BPNT2: variants seen among roughly 807,000 people sequenced by gnomAD.
The protein encoded by BPNT2 is 3'(2'), 5'-bisphosphate nucleotidase 2.
Under a neutral mutation model 29.3 loss-of-function variants are expected in BPNT2, and 11 were observed. The ratio of observed to expected loss-of-function variants is 0.38; its 90% CI spans 0.24 to 0.62. The LOEUF (loss-of-function observed/expected upper bound fraction) is 0.62, where lower values mean the gene tolerates loss of function less well. BPNT2 is among the 20% of genes least tolerant of loss of function. BPNT2 has a pLI of 0.62. For synonymous variants in BPNT2, 195 were observed against 187.7 expected (o/e 1.04, Z -0.32); for missense variants, 459 against 473.4 (o/e 0.97, Z 0.28).
chr8:56,964,933 C>A (rs1280751168), intron 4 of BPNT2, among the ~76,000 whole-genome samples: 1 of 152,164 alleles, frequency 6.6e-6, no homozygotes, highest in Admixed American at 6.5e-5. Flanking sequence ...CTTTTCCTAA[C>A]CAACCTAACA....
intron 4 of BPNT2, among the ~76,000 whole-genome samples, chr8:56,964,939 T>C (rs1305985446): frequency 2.0e-5 from 3 of 152,124 alleles, no homozygotes; most frequent in East Asian, 3.9e-4. Flanking sequence ...CTAACCAACC[T>C]AACAGAGAGC....
intron 3 of BPNT2, among the ~76,000 whole-genome samples, chr8:56,977,461 A>G (rs1418002731): frequency 6.6e-6 from 1 of 152,090 alleles, no homozygotes; most frequent in East Asian, 1.9e-4. Context: ...AAACACTCTA[A>G]TTGGCTTAAG....
chr8:56,964,594 C>A (rs951209258), intron 4 of BPNT2, among the ~76,000 whole-genome samples: 1 of 152,204 alleles, frequency 6.6e-6, no homozygotes, highest in Non-Finnish European at 1.5e-5. Flanking sequence ...AGCCACTGCA[C>A]CCGGCCTGCA....
chr8:56,990,857 C>T (rs1806406124), intron 1 of BPNT2, among the ~76,000 whole-genome samples: 1 of 152,154 alleles, frequency 6.6e-6, no homozygotes, highest in African/African-American at 2.4e-5. Context: ...AGACTTCAGA[C>T]TCTACATAGG....
At chr8:56,972,327 T>A (rs1806052304) in intron 3 of BPNT2, among the ~76,000 whole-genome samples, 1 of 151,286 alleles carries the variant, frequency 6.6e-6, no homozygotes, top group African/African-American at 2.4e-5. Context: ...AATCATGACA[T>A]TACAAGAAAA....
Position 56,959,327 on chromosome 8 carries a change from ACT to A in BPNT2, c.*4464_*4465del, listed in dbSNP as rs1257270566. On this transcript the variant is annotated 3_prime_UTR_variant, in exon 5 of 5. Coordinates refer to ENST00000262644, the MANE Select transcript of BPNT2 (RefSeq NM_017813.5). ...GCCAATGGTAAATTGGAATGCATATACTTGCCAGGCTTTGATGAAATAAAAAT... is the reference window on the plus strand; with the variant it reads ...GCCAATGGTAAATTGGAATGCATATATGCCAGGCTTTGATGAAATAAAAAT... The A allele has an allele frequency of 2.2e-4, 34 of 152,360 alleles. No homozygotes were observed. The East Asian group carries it at 6.2e-3, about 28-fold the overall frequency. The allele number at this position is 152,360 out of a possible 1,614,324, so 9.4% of individuals were successfully genotyped here. A position where few individuals can be genotyped will look rare whatever the true frequency, so the allele number is the denominator to read the frequency against.
Position 56,993,334 on chromosome 8 carries a change from G to A in BPNT2, c.252C>T (p.Val84=), listed in dbSNP as rs1190017797. 6.2e-7 allele frequency: 1 copy of A among 1,611,530 alleles called. No homozygotes were observed. Among genetic ancestry groups the A allele is most frequent in the African/African-American group, 1.3e-5 (1 of 75,034 alleles). The change falls in exon 1 of 5, where the codon GTC becomes GTT. Residue 84 remains valine, a synonymous_variant. Coordinates refer to ENST00000262644, the MANE Select transcript of BPNT2 (RefSeq NM_017813.5). ...TCTCGTGGAGGACGTTGCTCTCGCG[G>A]ACGCGCCTCACCTCGTCGCCGCCGC... is the stretch of plus-strand genomic sequence containing the variant. ...AVRGGDEVRR[V]RESNVLHEKS...
chr8:56,986,944 A>G (rs952231192), intron 1 of BPNT2, among the ~76,000 whole-genome samples: 1 of 152,226 alleles, frequency 6.6e-6, no homozygotes, highest in African/African-American at 2.4e-5. Context: ...TTGTCTATTT[A>G]AAGATTTTAT....
chr8:56,966,092 C>T (rs1805943707), intron 4 of BPNT2, 99 bp downstream of exon 4: 1 of 1,317,592 alleles, frequency 7.6e-7, no homozygotes, highest in Non-Finnish European at 1.1e-6. Flanking sequence ...CACTCCTCCT[C>T]ACTTTCCTCC....
chr8:56,984,011 A>G (rs1409441241), intron 1 of BPNT2, among the ~76,000 whole-genome samples: 4 of 152,066 alleles, frequency 2.6e-5, no homozygotes, highest in African/African-American at 7.2e-5. Flanking sequence ...TAACAGTAAC[A>G]CCATGCAAAA....
At position 56,963,876 on chromosome 8, in the gene BPNT2, C is replaced by T; in HGVS notation, c.997G>A (p.Gly333Arg). Residue 333 changes from glycine (G) to arginine (R), a missense_variant, in exon 5 of 5, where the codon GGG becomes AGG. Coordinates refer to ENST00000262644, the MANE Select transcript of BPNT2 (RefSeq NM_017813.5). ...ISYTGSDGIE[G>R]GLLASIRMNH... ...ATTCTGATGCTAGCAAGGAGTCCCC[C>T]TTCAATGCCGTCTGAACCAGTGTAA... The T allele has an allele frequency of 6.2e-7, 1 of 1,614,092 alleles. No individual in the cohort carries two copies. The highest frequency in any genetic ancestry group is 8.5e-7 in the Non-Finnish European group (1 of 1,179,986).
chr8:56,992,042 G>C lies in BPNT2; in HGVS notation c.387+1157C>G, dbSNP rs552808878. 1.8e-4 allele frequency among the ~76,000 whole-genome samples: 27 copies of C among 151,992 alleles called. No individual in the cohort carries two copies. In the South Asian group the frequency reaches 5.6e-3, roughly 32 times the overall value. On this transcript the variant is annotated intron_variant, in intron 1 of 4. Transcript: ENST00000262644. Reference sequence around the variant, plus strand: ...GGAAATACAATGTTCCTTTCCACTGGAAAAAGAAAAAGACGAAAGAAAAGG... The same window carrying C: ...GGAAATACAATGTTCCTTTCCACTGCAAAAAGAAAAAGACGAAAGAAAAGG...
Position 56,993,622 on chromosome 8 carries a change from A to G in BPNT2, c.-37T>C. 1 of 1,335,534 alleles carries G rather than the reference A, an allele frequency of 7.5e-7. No homozygotes were observed. The highest frequency in any genetic ancestry group is 9.6e-7 in the Non-Finnish European group (1 of 1,039,918). 82.7% of individuals were successfully genotyped at this position (1,335,534 alleles called of 1,614,324 possible). ...CCGGGCGCTCCGGGCTGCGGCTCTCACAGGCCTCCAGCGCCCGCCGCCGCC... is the reference window on the plus strand; with the variant it reads ...CCGGGCGCTCCGGGCTGCGGCTCTCGCAGGCCTCCAGCGCCCGCCGCCGCC... On this transcript the variant is annotated 5_prime_UTR_variant, in exon 1 of 5. Transcript: ENST00000262644.
intron 3 of BPNT2, among the ~76,000 whole-genome samples, chr8:56,967,924 C>G (rs1212216265): frequency 6.6e-6 from 1 of 152,170 alleles, no homozygotes; most frequent in East Asian, 1.9e-4. Flanking sequence ...AAACTCCCTT[C>G]CTGCCACCAA....
chr8:56,982,358 T>C (rs1054826626), intron 1 of BPNT2, among the ~76,000 whole-genome samples: 1 of 152,206 alleles, frequency 6.6e-6, no homozygotes, highest in East Asian at 1.9e-4. Context: ...CCTGACTTCA[T>C]GATCTGCCCG....
At chr8:56,975,069 A>C (rs1304047401) in intron 3 of BPNT2, among the ~76,000 whole-genome samples, 4 of 152,178 alleles carry the variant, frequency 2.6e-5, no homozygotes, top group East Asian at 3.9e-4. Flanking sequence ...TTTAATGGAT[A>C]GGACTTCAAG....
chr8:56,986,860 C>T (rs1370963182), intron 1 of BPNT2, among the ~76,000 whole-genome samples: 3 of 152,142 alleles, frequency 2.0e-5, no homozygotes, highest in Non-Finnish European at 4.4e-5. Context: ...ATCATTCTTG[C>T]ACCATTGTAA....
intron 3 of BPNT2, chr8:56,966,969 G>A (rs970199601): frequency 2.9e-6 from 1 of 348,906 alleles, no homozygotes; most frequent in African/African-American, 2.1e-5. Flanking sequence ...TTATCAGAGA[G>A]TATTAAAGAA....
chr8:56,993,813 G>C lies in BPNT2; in HGVS notation c.-228C>G. ...CTGACTCGCCAGGCAGCGCGCTCTAGGTTCTTCCGCCGGCCGGCTGGTCCG... is the reference window on the plus strand; with the variant it reads ...CTGACTCGCCAGGCAGCGCGCTCTACGTTCTTCCGCCGGCCGGCTGGTCCG... On this transcript the variant is annotated 5_prime_UTR_variant, in exon 1 of 5. Transcript: ENST00000262644. The C allele has an allele frequency of 2.3e-6, 1 of 431,598 alleles. No homozygotes were observed. Among genetic ancestry groups the C allele is most frequent in the East Asian group, 1.5e-4 (1 of 6,562 alleles). 26.7% of individuals were successfully genotyped at this position (431,598 alleles called of 1,614,324 possible).
Sources: allele counts gnomAD v4.1 joint callset (sites outside exome capture counted in the v4.1 genomes callset), GRCh38; gene constraint gnomAD v4.1.1; transcripts MANE v1.5; gene names NCBI Gene and HGNC (gene_info 2026-07-23, HGNC 2026-07-21).